IL23R: variants seen among roughly 807,000 people sequenced by gnomAD.
IL23R encodes interleukin 23 receptor.
A neutral mutation model predicts 56.9 loss-of-function variants in IL23R; 34 were observed. That is an observed-to-expected ratio of 0.60 (90% confidence interval 0.45 to 0.80). The LOEUF (loss-of-function observed/expected upper bound fraction) is 0.80. Ranked by LOEUF, IL23R falls within the 30% of genes least tolerant of loss-of-function variation. The pLI is 0.00. For synonymous variants in IL23R, 230 were observed against 249.2 expected (o/e 0.92, Z 0.73); for missense variants, 635 against 730.0 (o/e 0.87, Z 1.50).
rs142841126 is a variant in IL23R at position 67,227,201 on chromosome 1, G to T, written c.955+7471G>T. Among the ~76,000 whole-genome samples the T allele has an allele frequency of 3.4e-3, 521 of 152,302 alleles. 3 individuals are homozygous for T. The highest frequency in any genetic ancestry group is 0.012 in the African/African-American group (487 of 41,576). ...ATGTATAAGTCAGTAGTCTAAATTT[G>T]CTACTACTGACTTAAAAAAGCTGAA... is the stretch of plus-strand genomic sequence containing the variant. On this transcript the variant is annotated intron_variant, in intron 7 of 10. Transcript: ENST00000347310.
chr1:67,179,381 C>T (rs934620863), intron 3 of IL23R, among the ~76,000 whole-genome samples: 2 of 152,156 alleles, frequency 1.3e-5, no homozygotes, highest in African/African-American at 4.8e-5. Context: ...TCCATTTCTT[C>T]TAGACTTTCT....
intron 7 of IL23R, among the ~76,000 whole-genome samples, chr1:67,223,508 A>G (rs1650431696): frequency 6.6e-6 from 1 of 152,348 alleles, no homozygotes; most frequent in Non-Finnish European, 1.5e-5. Flanking sequence ...GAGAAACAGT[A>G]AAAGTGTGTT....
chr1:67,264,086 T>A (rs994838767), downstream of IL23R, among the ~76,000 whole-genome samples: 1 of 152,192 alleles, frequency 6.6e-6, no homozygotes, highest in Non-Finnish European at 1.5e-5. Flanking sequence ...AAGCCTGTGC[T>A]TTAGAACTGA....
chr1:67,147,015 G>A (rs1341844453), intron 1 of IL23R, among the ~76,000 whole-genome samples: 1 of 152,140 alleles, frequency 6.6e-6, no homozygotes, highest in Non-Finnish European at 1.5e-5. Flanking sequence ...TCTAACGGGT[G>A]AGTACAGGCC....
rs2102553806 is a variant in IL23R, at chr1:67,168,159, C to T, written c.39C>T (p.Ala13=). ...QVTIQWDAVI[A]LYILFSWCHG... Reference sequence around the variant, plus strand: ...CTATTCAATGGGATGCAGTAATAGCCCTTTACATACTCTTCAGCTGGTGTC... The same window carrying T: ...CTATTCAATGGGATGCAGTAATAGCTCTTTACATACTCTTCAGCTGGTGTC... The change falls in exon 2 of 11, where the codon GCC becomes GCT. Residue 13 remains alanine (A), a synonymous_variant. Transcript: ENST00000347310. 1 of 1,611,852 alleles carries T rather than the reference C, an allele frequency of 6.2e-7. No homozygotes were observed. Among genetic ancestry groups the T allele is most frequent in the Admixed American group, 1.7e-5 (1 of 59,992 alleles).
intron 1 of IL23R, among the ~76,000 whole-genome samples, chr1:67,153,609 C>G (rs2102535721): frequency 6.6e-6 from 1 of 152,236 alleles, no homozygotes; most frequent in East Asian, 1.9e-4. Context: ...CCTCTAAACA[C>G]TGGTTTAGCT....
At chr1:67,194,752 G>A (rs546117912) in intron 4 of IL23R, among the ~76,000 whole-genome samples, 3 of 152,114 alleles carry the variant, frequency 2.0e-5, no homozygotes, top group Non-Finnish European at 4.4e-5. Context: ...AATATTCAAA[G>A]ATGTCCTACT....
chr1:67,180,935 C>T (rs147206625), intron 3 of IL23R, among the ~76,000 whole-genome samples: 3,260 of 152,218 alleles, frequency 0.021, 104 homozygotes, highest in African/African-American at 0.074. Flanking sequence ...TTTAAGAATG[C>T]TGAATATTGA....
chr1:67,234,560 C>T (rs1651333518), intron 7 of IL23R, among the ~76,000 whole-genome samples: 1 of 152,130 alleles, frequency 6.6e-6, no homozygotes, highest in South Asian at 2.1e-4. Flanking sequence ...TATTAAAAGC[C>T]AACAACACCA....
At chr1:67,197,482 G>A (rs1274696874) in intron 4 of IL23R, among the ~76,000 whole-genome samples, 1 of 152,216 alleles carries the variant, frequency 6.6e-6, no homozygotes, top group African/African-American at 2.4e-5. Context: ...GGAAATTCTA[G>A]TGAAAATACT....
At chr1:67,146,085 C>T (rs1206833965) in intron 1 of IL23R, among the ~76,000 whole-genome samples, 1 of 152,152 alleles carries the variant, frequency 6.6e-6, no homozygotes, top group Non-Finnish European at 1.5e-5. Context: ...CATGAACTCC[C>T]AGGCCTTTGA....
intron 7 of IL23R, among the ~76,000 whole-genome samples, chr1:67,224,389 G>A (rs1570883216): frequency 6.6e-6 from 1 of 152,194 alleles, no homozygotes; most frequent in Non-Finnish European, 1.5e-5. Flanking sequence ...CACAGCCCAG[G>A]CAGTAATGCC....
chr1:67,182,713 G>C, intron 3 of IL23R, 123 bp from the exon 4 acceptor site: 1 of 995,200 alleles, frequency 1.0e-6, no homozygotes, highest in Non-Finnish European at 1.6e-6. Context: ...GAAATCGTTC[G>C]TCTTCTGCAT....
At chr1:67,232,243 G>A (rs1169694825) in intron 7 of IL23R, among the ~76,000 whole-genome samples, 2 of 152,152 alleles carry the variant, frequency 1.3e-5, no homozygotes, top group Non-Finnish European at 2.9e-5. Context: ...AAAGTAGTCG[G>A]TTTTAAGAAG....
chr1:67,162,208 G>A (rs1646828471), upstream of IL23R, among the ~76,000 whole-genome samples: 1 of 151,624 alleles, frequency 6.6e-6, no homozygotes, highest in Non-Finnish European at 1.5e-5. Flanking sequence ...GCTCACTCCT[G>A]TAATCCCAGC....
chr1:67,196,653 T>G (rs189689801), intron 4 of IL23R, among the ~76,000 whole-genome samples: 1 of 152,208 alleles, frequency 6.6e-6, no homozygotes, highest in Non-Finnish European at 1.5e-5. Flanking sequence ...AGTTTCATGA[T>G]GTAATGCAAT....
chr1:67,147,968 T>C (rs905808155), intron 1 of IL23R, among the ~76,000 whole-genome samples: 1 of 152,184 alleles, frequency 6.6e-6, no homozygotes, highest in Non-Finnish European at 1.5e-5. Flanking sequence ...CTTGGCCTCA[T>C]GGATTCTAAG....
chr1:67,167,697 C>T (rs1439909662), intron 1 of IL23R, among the ~76,000 whole-genome samples: 1 of 152,098 alleles, frequency 6.6e-6, no homozygotes, highest in Non-Finnish European at 1.5e-5. Context: ...GCACTCCAGC[C>T]TGGGCTACAG....
upstream of IL23R, among the ~76,000 whole-genome samples, chr1:67,161,483 A>G (rs1189686018): frequency 1.3e-5 from 2 of 152,054 alleles, no homozygotes; most frequent in African/African-American, 4.8e-5. Flanking sequence ...TTTTTTCTAC[A>G]TATAGTTTTT....
Sources: gnomAD v4.1 joint callset for allele counts (sites outside exome capture counted in the v4.1 genomes callset) on GRCh38, gnomAD v4.1.1 for gene constraint, MANE v1.5 for transcripts, NCBI Gene and HGNC (gene_info 2026-07-23, HGNC 2026-07-21) for gene names.